ARL6IP6: variants seen among roughly 807,000 people sequenced by gnomAD.
The protein encoded by ARL6IP6 is ARF like GTPase 6 interacting protein 6, also known as ADP-ribosylation factor-like protein 6-interacting protein 6.
ARL6IP6 carries 22 observed loss-of-function variants against 21.5 expected under a neutral mutation model. That is an observed-to-expected ratio of 1.02 (90% CI 0.73 to 1.46). The LOEUF (loss-of-function observed/expected upper bound fraction) is 1.46. Among genes scored for constraint, ARL6IP6 ranks in the 40% most tolerant of loss-of-function variants. The pLI, the probability that ARL6IP6 is intolerant of heterozygous loss-of-function variation, is 0.00. For missense variants in ARL6IP6, 388 were observed against 299.8 expected, an observed-to-expected ratio of 1.29 and a Z score of -2.17; for synonymous variants, 164 against 125.3, an observed-to-expected ratio of 1.31 and a Z score of -2.06.
At chr2:152,752,492 A>C (rs1049313637) in intron 3 of ARL6IP6, among the ~76,000 whole-genome samples, 11 of 152,236 alleles carry the variant, frequency 7.2e-5, no homozygotes, top group African/African-American at 2.7e-4. Flanking sequence ...CCTCAAAGTA[A>C]CAAAGGAACA....
At chr2:152,732,430 C>A in intron 2 of ARL6IP6, 1 of 341,602 alleles carries the variant, frequency 2.9e-6, no homozygotes, top group South Asian at 2.4e-5. Flanking sequence ...TTGAATTGAG[C>A]ATCTGTTCAT....
At chr2:152,750,907 A>G (rs530642642) in intron 3 of ARL6IP6, among the ~76,000 whole-genome samples, 15 of 152,360 alleles carry the variant, frequency 9.8e-5, no homozygotes, top group Admixed American at 7.2e-4. Flanking sequence ...ACATTCGTAT[A>G]TGCAAATAAT....
chr2:152,742,594 G>C (rs199774293), intron 3 of ARL6IP6, among the ~76,000 whole-genome samples: 1 of 103,726 alleles, frequency 9.6e-6, no homozygotes, highest in Admixed American at 9.5e-5. Context: ...AAAAAAAAAA[G>C]AACTTTGGGG....
At chr2:152,735,246 C>G (rs1042156055) in intron 3 of ARL6IP6, 120 bp downstream of exon 3, 11 of 1,052,962 alleles carry the variant, frequency 1.0e-5, no homozygotes, top group Non-Finnish European at 1.1e-5. Flanking sequence ...TTATAAAGCA[C>G]TAATAACAGG....
At chr2:152,741,532 A>G (rs770519949) in intron 3 of ARL6IP6, among the ~76,000 whole-genome samples, 2 of 152,172 alleles carry the variant, frequency 1.3e-5, no homozygotes, top group Non-Finnish European at 2.9e-5. Flanking sequence ...ATTACTGTTT[A>G]GTAAATATTA....
rs565170264 is a variant in ARL6IP6 at position 152,752,118 on chromosome 2, C to G, written c.588-7629C>G. Among the ~76,000 whole-genome samples the G allele has an allele frequency of 3.9e-5, 6 of 152,232 alleles. No individual in the cohort carries two copies. The South Asian group carries it at 1.2e-3, about 32-fold the overall frequency. On this transcript the variant is annotated intron_variant, in intron 3 of 3. Coordinates refer to ENST00000326446, the MANE Select transcript of ARL6IP6 (RefSeq NM_152522.7). The stretch of plus-strand genomic sequence containing the variant: ...TCTGGGATTAGGTCCTTTCCTTTCC[C>G]TTATCTTTCTCTTCATGAAATTGTA...
intron 2 of ARL6IP6, among the ~76,000 whole-genome samples, chr2:152,733,506 T>C (rs554045219): frequency 1.3e-5 from 2 of 152,276 alleles, no homozygotes; most frequent in South Asian, 2.1e-4. Context: ...CAAGTAATCC[T>C]CTTGCTTCAG....
rs1000592231 is a variant in ARL6IP6, at chr2:152,762,024, C to G, written c.*2184C>G. On this transcript the variant is annotated 3_prime_UTR_variant, in exon 4 of 4. Coordinates refer to ENST00000326446, the MANE Select transcript of ARL6IP6 (RefSeq NM_152522.7). Reference sequence around the variant, plus strand: ...CTTTTTTGGGAAATGACCCTCCTCTCTCCAGTCTGACACAGGGTCCAAATA... The same window carrying G: ...CTTTTTTGGGAAATGACCCTCCTCTGTCCAGTCTGACACAGGGTCCAAATA... Among the ~76,000 whole-genome samples the G allele has an allele frequency of 4.6e-5, 7 of 152,174 alleles. No individual in the cohort carries two copies. The highest frequency in any genetic ancestry group is 1.7e-4 in the African/African-American group (7 of 41,428).
chr2:152,730,637 A>G (rs761617716), intron 2 of ARL6IP6, among the ~76,000 whole-genome samples: 4 of 152,076 alleles, frequency 2.6e-5, no homozygotes, highest in Non-Finnish European at 4.4e-5. Context: ...AGAGGTGGAT[A>G]CTGTGCCAGG....
chr2:152,725,463 C>G (rs923204536), intron 2 of ARL6IP6, among the ~76,000 whole-genome samples: 1 of 151,276 alleles, frequency 6.6e-6, no homozygotes, highest in African/African-American at 2.4e-5. Flanking sequence ...GATGTGTATA[C>G]AAAGGTGATT....
Position 152,719,001 on chromosome 2 carries a change from C to T in ARL6IP6, c.377C>T (p.Ala126Val). Reference sequence around the variant, plus strand: ...GCCATTCTTCTCGCCTTCCTCCTCGCCATCGCCTACTTGATCGTTAAAGGT... The same window carrying T: ...GCCATTCTTCTCGCCTTCCTCCTCGTCATCGCCTACTTGATCGTTAAAGGT... ...LFAILLAFLL[A>V]IAYLIVKELH... Residue 126 changes from alanine to valine, a missense_variant, in exon 1 of 4, where the codon GCC becomes GTC. By Grantham distance (64) the Ala-to-Val change is moderately conservative. Coordinates refer to ENST00000326446, the MANE Select transcript of ARL6IP6 (RefSeq NM_152522.7). 6.3e-7 allele frequency: 1 copy of T among 1,577,148 alleles called. No homozygotes were observed. Among genetic ancestry groups the T allele is most frequent in the Non-Finnish European group, 8.6e-7 (1 of 1,159,016 alleles).
chr2:152,732,243 T>C (rs900408844), intron 2 of ARL6IP6, among the ~76,000 whole-genome samples: 1 of 152,086 alleles, frequency 6.6e-6, no homozygotes, highest in Non-Finnish European at 1.5e-5. Context: ...TGCATCATTT[T>C]AACAGATACT....
intron 3 of ARL6IP6, among the ~76,000 whole-genome samples, chr2:152,751,477 CTA>C (rs1167098482): frequency 1.3e-5 from 2 of 152,164 alleles, no homozygotes; most frequent in East Asian, 3.8e-4. Flanking sequence ...TATCCGTTAA[CTA>C]ACCTCCTGCT....
At chr2:152,756,616 A>C (rs1486057779) in intron 3 of ARL6IP6, among the ~76,000 whole-genome samples, 3 of 152,214 alleles carry the variant, frequency 2.0e-5, no homozygotes, top group Non-Finnish European at 4.4e-5. Flanking sequence ...CTATAAACCA[A>C]TAGAAAAAAA....
chr2:152,725,353 GTAAGACTTTCC>G (rs1238420936), intron 2 of ARL6IP6, among the ~76,000 whole-genome samples: 1 of 152,048 alleles, frequency 6.6e-6, no homozygotes, highest in African/African-American at 2.4e-5. Context: ...TAGGATTCCA[GTAAGACTTTCC>G]TAAGACTTTA....
chr2:152,720,523 G>T lies in ARL6IP6; in HGVS notation c.401-10G>T, dbSNP rs367826987. Reference sequence around the variant, plus strand: ...TGCTTTCCTACCTAAGTCCCTCTTTGTATTTGCAGAGTTGCATGCTGAGAA... The same window carrying T: ...TGCTTTCCTACCTAAGTCCCTCTTTTTATTTGCAGAGTTGCATGCTGAGAA... On this transcript the variant is annotated splice_polypyrimidine_tract_variant and intron_variant, in intron 1 of 3. Transcript: ENST00000326446. 4 of 1,612,794 alleles carry T rather than the reference G, an allele frequency of 2.5e-6. No individual in the cohort carries two copies. The highest frequency in any genetic ancestry group is 1.7e-6 in the Non-Finnish European group (2 of 1,178,878).
chr2:152,730,099 C>CGTAA (rs1359680585), intron 2 of ARL6IP6, among the ~76,000 whole-genome samples: 4 of 152,158 alleles, frequency 2.6e-5, no homozygotes, highest in Non-Finnish European at 5.9e-5. Flanking sequence ...TGTGACCTGA[C>CGTAA]TTACCCATGA....
At chr2:152,743,098 C>G (rs866720538) in intron 3 of ARL6IP6, among the ~76,000 whole-genome samples, 1 of 102,744 alleles carries the variant, frequency 9.7e-6, no homozygotes, top group South Asian at 4.0e-4. Flanking sequence ...ATTGCTAAAT[C>G]AAAAGACTTT....
At chr2:152,718,214 A>C (rs1699301238), upstream of ARL6IP6, 2 of 457,956 alleles carry the variant, frequency 4.4e-6, no homozygotes, top group Non-Finnish European at 2.9e-6. Flanking sequence ...TGTGTCTCCG[A>C]GGGCGCGAGC....
Sources: gnomAD v4.1 joint callset for allele counts (sites outside exome capture counted in the v4.1 genomes callset) on GRCh38, gnomAD v4.1.1 for gene constraint, MANE v1.5 for transcripts, NCBI Gene and HGNC (gene_info 2026-07-23, HGNC 2026-07-21) for gene names.